AKAP13: variants seen among roughly 807,000 people sequenced by gnomAD.
AKAP13 encodes the protein A-kinase anchor protein 13.
AKAP13 carries 80 observed loss-of-function variants against 264.5 expected under a neutral mutation model. That is an observed-to-expected ratio of 0.30 (90% CI 0.25 to 0.36). AKAP13 has a LOEUF of 0.36. AKAP13 is among the 10% of genes least tolerant of loss of function. The probability of loss-of-function intolerance (pLI) is 1.00; values close to 1 mark genes in which losing one functional copy is unlikely to be tolerated. For missense variants in AKAP13, 3,712 were observed against 3,435.2 expected (o/e 1.08, Z -2.01); for synonymous variants, 1,380 against 1,250.2 (o/e 1.10, Z -2.19).
intron 30 of AKAP13, among the ~76,000 whole-genome samples, chr15:85,732,001 T>G (rs568827066): frequency 6.6e-6 from 1 of 150,720 alleles, no homozygotes; most frequent in Non-Finnish European, 1.5e-5. Context: ...GAGAATCGCT[T>G]GAACCCAGGA....
intron 33 of AKAP13, among the ~76,000 whole-genome samples, chr15:85,738,455 A>AT (rs1187665379): frequency 1.3e-5 from 2 of 152,102 alleles, no homozygotes; most frequent in Non-Finnish European, 2.9e-5. Flanking sequence ...GGTAATTAAG[A>AT]TTTTTGTGTT....
intron 1 of AKAP13, among the ~76,000 whole-genome samples, chr15:85,386,440 C>T (rs2070566190): frequency 6.6e-6 from 1 of 151,894 alleles, no homozygotes. Context: ...ATTACAGGCA[C>T]CCACCACCAT....
At chr15:85,427,116 C>T (rs543564473) in intron 1 of AKAP13, among the ~76,000 whole-genome samples, 4 of 151,970 alleles carry the variant, frequency 2.6e-5, no homozygotes, top group African/African-American at 7.2e-5. Context: ...CCACCACGCC[C>T]GGCTAATTTT....
intron 8 of AKAP13, among the ~76,000 whole-genome samples, chr15:85,636,043 C>A (rs1367260265): frequency 6.6e-6 from 1 of 152,132 alleles, no homozygotes; most frequent in Non-Finnish European, 1.5e-5. Flanking sequence ...GTCTTCTGAT[C>A]TCATGGAATC....
At chr15:85,404,730 C>T (rs2071586685) in intron 1 of AKAP13, among the ~76,000 whole-genome samples, 1 of 152,154 alleles carries the variant, frequency 6.6e-6, no homozygotes, top group African/African-American at 2.4e-5. Context: ...AGTGTCACAC[C>T]TTTGTATCTT....
chr15:85,616,410 C>T (rs2080939213), intron 8 of AKAP13, among the ~76,000 whole-genome samples: 1 of 152,152 alleles, frequency 6.6e-6, no homozygotes, highest in Non-Finnish European at 1.5e-5. Context: ...TTTTATATTT[C>T]ATTTTCTGGA....
rs113844817 is a variant in AKAP13 at position 85,658,445 on chromosome 15, C to T, written c.4746-92C>T. On this transcript the variant is annotated intron_variant, in intron 11 of 36. Coordinates refer to ENST00000394518, the MANE Select transcript of AKAP13 (RefSeq NM_007200.5). ...TGTGCCATTTCTCTTTGAGCAGTGT[C>T]TCTCTCCCCAGTGTGGTGTCTGTAT... 1,125 of 1,065,740 alleles carry T rather than the reference C, an allele frequency of 1.1e-3. 6 individuals are homozygous for T. In the African/African-American group the frequency reaches 0.012, roughly 11 times the overall value. The allele number at this position is 1,065,740 out of a possible 1,614,324, so 66.0% of individuals were successfully genotyped here.
chr15:85,748,870 T>TCACC lies in AKAP13; in HGVS notation c.*4195_*4198dup, dbSNP rs958756422. 1.3e-5 allele frequency: 2 copies of TCACC among 152,394 alleles called. No individual in the cohort carries two copies. The highest frequency in any genetic ancestry group is 2.9e-5 in the Non-Finnish European group (2 of 68,160). The allele number at this position is 152,394 out of a possible 1,614,324, so 9.4% of individuals were successfully genotyped here. ...CCGGAGGGGCTTCTGCAGGAAGCAC[T>TCACC]CACCCCCCACACCTTCCCCGGCCTG... is the stretch of plus-strand genomic sequence containing the variant. On this transcript the variant is annotated 3_prime_UTR_variant, in exon 37 of 37. Transcript: ENST00000394518.
intron 2 of AKAP13, among the ~76,000 whole-genome samples, chr15:85,511,442 A>G (rs2076416451): frequency 6.6e-6 from 1 of 152,164 alleles, no homozygotes; most frequent in African/African-American, 2.4e-5. Context: ...GATATAGAAT[A>G]AGTACAAATA....
chr15:85,735,653 A>G (rs764680363), intron 32 of AKAP13, 23 bp downstream of exon 32: 41 of 1,599,188 alleles, frequency 2.6e-5, no homozygotes, highest in East Asian at 8.9e-5. Flanking sequence ...AAAATACACC[A>G]TGAACCTCCT....
At chr15:85,463,557 A>C (rs1163799966) in intron 1 of AKAP13, among the ~76,000 whole-genome samples, 1 of 152,216 alleles carries the variant, frequency 6.6e-6, no homozygotes, top group Admixed American at 6.5e-5. Flanking sequence ...GGTTTTTTGA[A>C]ACATGCCAGG....
At chr15:85,476,811 A>G (rs2075178915) in intron 1 of AKAP13, among the ~76,000 whole-genome samples, 1 of 152,184 alleles carries the variant, frequency 6.6e-6, no homozygotes, top group Non-Finnish European at 1.5e-5. Context: ...CTTTCCTTTA[A>G]TAACTATTCA....
At position 85,682,168 on chromosome 15, in the gene AKAP13, C is replaced by G. The variant is rs760802072; in HGVS notation, c.5112C>G (p.Pro1704=). ...TGCCTTGTTTTCTAGATTCACGGCCCTTCCACAGTACCTTCCACAATACCA... is the reference window on the plus strand; with the variant it reads ...TGCCTTGTTTTCTAGATTCACGGCCGTTCCACAGTACCTTCCACAATACCA... The part of the protein sequence containing the change: ...ISHPGLDNSR[P]FHSTFHNTSA... The change falls in exon 15 of 37, where the codon CCC becomes CCG. Residue 1704 remains proline, a synonymous_variant. Transcript: ENST00000394518. 1.2e-6 allele frequency: 2 copies of G among 1,613,488 alleles called. No homozygotes were observed. Among genetic ancestry groups the G allele is most frequent in the South Asian group, 1.1e-5 (1 of 91,068 alleles).
chr15:85,747,574 C>T lies in AKAP13; in HGVS notation c.*2897C>T, dbSNP rs1355688069. 1 of 152,636 alleles carries T rather than the reference C, an allele frequency of 6.6e-6. No individual in the cohort carries two copies. The highest frequency in any genetic ancestry group is 1.5e-5 in the Non-Finnish European group (1 of 68,048). The allele number at this position is 152,636 out of a possible 1,614,324, so 9.5% of individuals were successfully genotyped here. A position where few individuals can be genotyped will look rare whatever the true frequency, so the allele number is the denominator to read the frequency against. ...TGAGCTTCCTGGAAGGAGACTGCGT[C>T]TTCTCTCAATTCCAGTCATCTCAGT... On this transcript the variant is annotated 3_prime_UTR_variant, in exon 37 of 37. Transcript: ENST00000394518.
chr15:85,718,057 G>A lies in AKAP13; in HGVS notation c.5899G>A (p.Glu1967Lys). 1 of 1,614,150 alleles carries A rather than the reference G, an allele frequency of 6.2e-7. No homozygotes were observed. The highest frequency in any genetic ancestry group is 8.5e-7 in the Non-Finnish European group (1 of 1,180,004). Residue 1967 changes from glutamate to lysine, a missense_variant, in exon 22 of 37, where the codon GAG becomes AAG. Coordinates refer to ENST00000394518, the MANE Select transcript of AKAP13 (RefSeq NM_007200.5). The surrounding 1 kb of genome is among the most constrained non-coding windows in gnomAD (Gnocchi z 4.9). ...ACAACTACTGGGAGACTTTGAGATT[G>A]AGTCCAAACAGCTGGAAGCAGAGTC... ...EGQLLGDFEI[E>K]SKQLEAESWS...
At chr15:85,609,016 T>G (rs906434145) in intron 8 of AKAP13, among the ~76,000 whole-genome samples, 6 of 152,198 alleles carry the variant, frequency 3.9e-5, no homozygotes, top group Admixed American at 3.9e-4. Flanking sequence ...GTTGTACGTA[T>G]TTATGGAGTA....
rs1364516823 is a variant in AKAP13 at position 85,581,972 on chromosome 15, A to G, written c.3904A>G (p.Thr1302Ala). 1.2e-6 allele frequency: 2 copies of G among 1,614,142 alleles called. No individual in the cohort carries two copies. Among genetic ancestry groups the G allele is most frequent in the Non-Finnish European group, 1.7e-6 (2 of 1,180,002 alleles). ...LESAFTEKVS[T>A]FPPGESLPMG... The stretch of plus-strand genomic sequence containing the variant: ...GAGTGCTTTTACAGAAAAAGTGAGT[A>G]CTTTCCCACCTGGGGAGAGCCTACC... Residue 1302 changes from threonine (T) to alanine (A), a missense_variant, in exon 7 of 37, where the codon ACT becomes GCT. This residue lies in a region of AKAP13 where 2,759 missense variants were observed against 2,411.7 expected (regional missense o/e 1.14). Coordinates refer to ENST00000394518, the MANE Select transcript of AKAP13 (RefSeq NM_007200.5).
At chr15:85,618,993 G>A (rs1279018784) in intron 8 of AKAP13, among the ~76,000 whole-genome samples, 1 of 152,164 alleles carries the variant, frequency 6.6e-6, no homozygotes, top group East Asian at 1.9e-4. Flanking sequence ...TATAGTGTAT[G>A]CTTTGGGTAG....
In AKAP13 at chr15:85,718,273, G is replaced by A; in HGVS notation, c.6001+114G>A. ...TTTTTAGTATGTGGCTTCTTGAAAA[G>A]ATTTCCTTTAAAAACTTTAAGGTAC... On this transcript the variant is annotated intron_variant, in intron 22 of 36. Coordinates refer to ENST00000394518, the MANE Select transcript of AKAP13 (RefSeq NM_007200.5). This position sits in a 1 kb window ranked among gnomAD's most constrained non-coding sequence, Gnocchi z 4.9. The A allele has an allele frequency of 7.7e-7, 1 of 1,306,718 alleles. No homozygotes were observed. The highest frequency in any genetic ancestry group is 1.1e-6 in the Non-Finnish European group (1 of 950,864). 80.9% of individuals were successfully genotyped at this position (1,306,718 alleles called of 1,614,324 possible).
Sources: allele counts gnomAD v4.1 joint callset (sites outside exome capture counted in the v4.1 genomes callset), GRCh38; gene constraint gnomAD v4.1.1; regional missense constraint gnomAD v4.1.1; non-coding constraint Gnocchi (gnomAD v3.1); transcripts MANE v1.5; gene names NCBI Gene and HGNC (gene_info 2026-07-23, HGNC 2026-07-21).